The following INSYN2B variants were observed in gnomAD, a reference collection of about 807,000 sequenced individuals.
The protein encoded by INSYN2B is protein INSYN2B.
Under a neutral mutation model 41.2 loss-of-function variants are expected in INSYN2B, and 16 were observed. The observed-to-expected ratio is 0.39, with a 90% CI of 0.26 to 0.59. The LOEUF (loss-of-function observed/expected upper bound fraction) is 0.59. Among genes scored for constraint, INSYN2B ranks in the 20% least tolerant of loss-of-function variants. INSYN2B has a pLI of 0.57. For missense variants in INSYN2B, 608 were observed against 646.4 expected (o/e 0.94, Z 0.64); for synonymous variants, 245 against 244.4 (o/e 1.00, Z -0.02).
In INSYN2B at chr5:169,882,934, T is replaced by C. The variant is rs1352700559; in HGVS notation, c.965A>G (p.His322Arg). ...AGGACAGTCTGAGGCTCTTCCTGGG[T>C]GGGCTGGCTGGCTGTGGGAGCCTTG... ...PSQGSHSQPA[H>R]PGRASDCPSS... is the part of the protein sequence containing the mutation. Residue 322 changes from histidine to arginine, a missense_variant, in exon 2 of 4, where the codon CAC becomes CGC. His to Arg is a conservative substitution (Grantham distance 29). Coordinates refer to ENST00000377365, the MANE Select transcript of INSYN2B (RefSeq NM_001129891.3). 1 of 1,551,766 alleles carries C rather than the reference T, an allele frequency of 6.4e-7. No homozygotes were observed. The highest frequency in any genetic ancestry group is 2.4e-5 in the East Asian group (1 of 40,930).
chr5:169,867,342 G>T (rs1055438870), intron 3 of INSYN2B, among the ~76,000 whole-genome samples: 1 of 152,116 alleles, frequency 6.6e-6, no homozygotes, highest in Admixed American at 6.6e-5. Context: ...CTCACCCAAC[G>T]TGATAACAAA....
intron 1 of INSYN2B, among the ~76,000 whole-genome samples, chr5:169,913,837 A>C (rs959695758): frequency 6.6e-6 from 1 of 152,198 alleles, no homozygotes; most frequent in African/African-American, 2.4e-5. Context: ...TGTTGATCCC[A>C]TTTAAGAACT....
intron 1 of INSYN2B, among the ~76,000 whole-genome samples, chr5:169,912,209 CT>C (rs1239661122): frequency 6.6e-6 from 1 of 151,964 alleles, no homozygotes; most frequent in Non-Finnish European, 1.5e-5. Flanking sequence ...ATAGGCCAGG[CT>C]TTTATTTATT....
At chr5:169,875,257 C>T (rs1468619802) in intron 3 of INSYN2B, 3 of 456,606 alleles carry the variant, frequency 6.6e-6, no homozygotes, top group Non-Finnish European at 1.3e-5. Context: ...TTCCCATCCT[C>T]CACCCCACAC....
chr5:169,923,704 T>C (rs1561827352), intron 1 of INSYN2B, among the ~76,000 whole-genome samples: 1 of 152,252 alleles, frequency 6.6e-6, no homozygotes, highest in Non-Finnish European at 1.5e-5. Context: ...TATGCATGTA[T>C]TTTATAAGTT....
Position 169,861,597 on chromosome 5 carries a change from T to A in INSYN2B, c.*2676A>T, listed in dbSNP as rs1771202050. 6.6e-6 allele frequency among the ~76,000 whole-genome samples: 1 copy of A among 152,250 alleles called. No homozygotes were observed. Among genetic ancestry groups the A allele is most frequent in the Admixed American group, 6.5e-5 (1 of 15,284 alleles). On this transcript the variant is annotated 3_prime_UTR_variant, in exon 4 of 4. Coordinates refer to ENST00000377365, the MANE Select transcript of INSYN2B (RefSeq NM_001129891.3). The stretch of plus-strand genomic sequence containing the variant: ...CTCCAGCAAACCAGATAACCTCAAG[T>A]ACAGCATTTCTGTAGAATATCATGG...
intron 3 of INSYN2B, among the ~76,000 whole-genome samples, chr5:169,869,463 A>G (rs375689718): frequency 4.6e-5 from 7 of 152,270 alleles, no homozygotes; most frequent in Non-Finnish European, 7.3e-5. Flanking sequence ...ATTTATTAAC[A>G]TAAAGGAAAA....
chr5:169,979,314 T>A (rs1156332171), intron 1 of INSYN2B, among the ~76,000 whole-genome samples: 1 of 152,180 alleles, frequency 6.6e-6, no homozygotes, highest in East Asian at 1.9e-4. Flanking sequence ...CCTATTCCTA[T>A]GTCCCCTAAA....
chr5:169,957,753 G>A (rs1776926070), intron 1 of INSYN2B, among the ~76,000 whole-genome samples: 1 of 152,170 alleles, frequency 6.6e-6, no homozygotes, highest in Non-Finnish European at 1.5e-5. Context: ...TCAGGTTCCT[G>A]GTCTGTTCAT....
At chr5:169,941,694 G>A (rs962002645) in intron 1 of INSYN2B, among the ~76,000 whole-genome samples, 2 of 152,186 alleles carry the variant, frequency 1.3e-5, no homozygotes, top group African/African-American at 4.8e-5. Flanking sequence ...TATTGGAACT[G>A]GAAAAGATCA....
chr5:169,880,644 A>C (rs1221972341), intron 3 of INSYN2B, among the ~76,000 whole-genome samples: 1 of 152,222 alleles, frequency 6.6e-6, no homozygotes, highest in Non-Finnish European at 1.5e-5. Flanking sequence ...GCAGTTACAA[A>C]ACACATTCAC....
rs188987073 is a variant in INSYN2B, at chr5:169,939,193, T to A, written c.-919+41084A>T. Among the ~76,000 whole-genome samples, 352 of 149,826 alleles carry A rather than the reference T, an allele frequency of 2.3e-3. 1 individual carries two copies. The highest frequency in any genetic ancestry group is 3.4e-3 in the Non-Finnish European group (231 of 67,488). ...TGCTGGGATTACAGGCGTGAGCCACTGTGCCCGGCCTTTTTTTTTTTTTTA... is the reference window on the plus strand; with the variant it reads ...TGCTGGGATTACAGGCGTGAGCCACAGTGCCCGGCCTTTTTTTTTTTTTTA... On this transcript the variant is annotated intron_variant, in intron 1 of 3. Transcript: ENST00000377365.
chr5:169,939,517 G>A (rs369782151), intron 1 of INSYN2B, among the ~76,000 whole-genome samples: 46 of 152,180 alleles, frequency 3.0e-4, no homozygotes, highest in South Asian at 4.2e-4. Context: ...AGTAACAGTC[G>A]TTTATTATTA....
Position 169,905,074 on chromosome 5 carries a change from G to A in INSYN2B, c.-918-20258C>T, listed in dbSNP as rs532170975. The stretch of plus-strand genomic sequence containing the variant: ...GGGGCTGAGGTCAGGATTCAGGGAG[G>A]CCGTGCAGAGTGCTCAGTAAATATG... On this transcript the variant is annotated intron_variant, in intron 1 of 3. Coordinates refer to ENST00000377365, the MANE Select transcript of INSYN2B (RefSeq NM_001129891.3). 1.1e-4 allele frequency among the ~76,000 whole-genome samples: 16 copies of A among 152,332 alleles called. No homozygotes were observed. The South Asian group carries it at 3.1e-3, about 30-fold the overall frequency.
intron 1 of INSYN2B, among the ~76,000 whole-genome samples, chr5:169,927,597 T>C (rs376197789): frequency 1.3e-5 from 2 of 152,158 alleles, no homozygotes; most frequent in Non-Finnish European, 2.9e-5. Context: ...TCCTGTGTGA[T>C]CAGGAGGTAA....
At chr5:169,912,665 C>T (rs183652321) in intron 1 of INSYN2B, among the ~76,000 whole-genome samples, 30 of 151,970 alleles carry the variant, frequency 2.0e-4, no homozygotes, top group Non-Finnish European at 3.8e-4. Context: ...TACATTCATT[C>T]ATGTTGCATT....
At chr5:169,873,390 T>C (rs1385939305) in intron 3 of INSYN2B, among the ~76,000 whole-genome samples, 4 of 152,254 alleles carry the variant, frequency 2.6e-5, no homozygotes, top group Non-Finnish European at 5.9e-5. Flanking sequence ...GTTTTGGAGA[T>C]GCTCGAGGGC....
At chr5:169,906,976 G>T (rs1366796635) in intron 1 of INSYN2B, among the ~76,000 whole-genome samples, 1 of 152,164 alleles carries the variant, frequency 6.6e-6, no homozygotes, top group Admixed American at 6.5e-5. Flanking sequence ...TATGAGTCAG[G>T]CACTGTCCTA....
At chr5:169,903,046 T>A (rs558676670) in intron 1 of INSYN2B, among the ~76,000 whole-genome samples, 2 of 151,420 alleles carry the variant, frequency 1.3e-5, no homozygotes, top group Non-Finnish European at 2.9e-5. Context: ...TGCAGTGAGC[T>A]GAGATCACGC....
Sources: allele counts gnomAD v4.1 joint callset (sites outside exome capture counted in the v4.1 genomes callset), GRCh38; gene constraint gnomAD v4.1.1; transcripts MANE v1.5; gene names NCBI Gene and HGNC (gene_info 2026-07-23, HGNC 2026-07-21).